The following NTNG1 variants were observed in gnomAD, a reference collection of about 807,000 sequenced individuals.
The protein encoded by NTNG1 is netrin G1.
In NTNG1, 16 loss-of-function variants were observed where a neutral mutation model predicts 54.0. The observed-to-expected ratio is 0.30, with a 90% CI of 0.20 to 0.45. The LOEUF (loss-of-function observed/expected upper bound fraction) is 0.45, where lower values mean the gene tolerates loss of function less well. Ranked by LOEUF, NTNG1 falls within the 20% of genes least tolerant of loss-of-function variation. The pLI is 1.00. For synonymous variants in NTNG1, 255 were observed against 263.1 expected (o/e 0.97, Z 0.30); for missense variants, 530 against 678.7 (o/e 0.78, Z 2.43).
chr1:107,308,777 A>T (rs1666835986), intron 2 of NTNG1, among the ~76,000 whole-genome samples: 1 of 152,136 alleles, frequency 6.6e-6, no homozygotes, highest in Non-Finnish European at 1.5e-5. Flanking sequence ...GAATCTTCCT[A>T]TTCATAAGTA....
chr1:107,189,460 T>G (rs1165935869), intron 2 of NTNG1, among the ~76,000 whole-genome samples: 7 of 149,506 alleles, frequency 4.7e-5, no homozygotes, highest in African/African-American at 1.7e-4. Context: ...CCAGTGGTCT[T>G]GAAAAAAAAA....
At chr1:107,240,594 G>A (rs889098904) in intron 2 of NTNG1, among the ~76,000 whole-genome samples, 5 of 152,190 alleles carry the variant, frequency 3.3e-5, no homozygotes, top group Non-Finnish European at 7.3e-5. Context: ...GCCAAAAAAT[G>A]TGCACATTCC....
At chr1:107,263,362 A>G (rs1663499572) in intron 2 of NTNG1, among the ~76,000 whole-genome samples, 1 of 149,354 alleles carries the variant, frequency 6.7e-6, no homozygotes, top group Non-Finnish European at 1.5e-5. Context: ...TTTCCTTTAC[A>G]AAGCCTTTAC....
intron 2 of NTNG1, among the ~76,000 whole-genome samples, chr1:107,199,164 C>T (rs971191669): frequency 1.1e-4 from 16 of 151,738 alleles, no homozygotes; most frequent in African/African-American, 3.6e-4. Flanking sequence ...CTTAATAATA[C>T]CATATATTCT....
At chr1:107,252,766 G>A (rs182839835) in intron 2 of NTNG1, among the ~76,000 whole-genome samples, 1 of 152,294 alleles carries the variant, frequency 6.6e-6, no homozygotes, top group African/African-American at 2.4e-5. Context: ...GGTGGAATAT[G>A]GTTTGGTTCC....
At chr1:107,154,786 T>C (rs1348841981) in intron 2 of NTNG1, among the ~76,000 whole-genome samples, 1 of 151,276 alleles carries the variant, frequency 6.6e-6, no homozygotes, top group Non-Finnish European at 1.5e-5. Context: ...TATATATATG[T>C]ATATATATTT....
intron 2 of NTNG1, among the ~76,000 whole-genome samples, chr1:107,262,996 C>T (rs1663456481): frequency 6.6e-6 from 1 of 152,152 alleles, no homozygotes; most frequent in South Asian, 2.1e-4. Context: ...AAATCATTAT[C>T]TAGCACAAAT....
intron 7 of NTNG1, among the ~76,000 whole-genome samples, chr1:107,452,520 G>A (rs972333005): frequency 1.3e-5 from 2 of 152,190 alleles, no homozygotes; most frequent in African/African-American, 4.8e-5. Context: ...GGGGCCTACA[G>A]GGAGGTGTTT....
At chr1:107,238,648 A>T (rs959321574) in intron 2 of NTNG1, among the ~76,000 whole-genome samples, 1 of 152,108 alleles carries the variant, frequency 6.6e-6, no homozygotes, top group African/African-American at 2.4e-5. Context: ...GTCTCATGAA[A>T]TCTGATGGCT....
chr1:107,155,448 C>G (rs1050700653), intron 2 of NTNG1, among the ~76,000 whole-genome samples: 1 of 152,126 alleles, frequency 6.6e-6, no homozygotes, highest in African/African-American at 2.4e-5. Context: ...ATCTCTCTAT[C>G]TAATATGTAT....
At chr1:107,461,592 G>A (rs1677284964) in intron 7 of NTNG1, among the ~76,000 whole-genome samples, 1 of 150,804 alleles carries the variant, frequency 6.6e-6, no homozygotes, top group African/African-American at 2.4e-5. Flanking sequence ...AGGCTGGAGT[G>A]GCACAGTCTC....
chr1:107,267,823 A>G (rs1371710208), intron 2 of NTNG1, among the ~76,000 whole-genome samples: 11 of 152,128 alleles, frequency 7.2e-5, no homozygotes, highest in Non-Finnish European at 7.4e-5. Context: ...TTTCCTGTTT[A>G]TTTCTCTCTG....
At chr1:107,178,972 A>C (rs1304462492) in intron 2 of NTNG1, among the ~76,000 whole-genome samples, 2 of 152,186 alleles carry the variant, frequency 1.3e-5, no homozygotes, top group Non-Finnish European at 2.9e-5. Flanking sequence ...TGGACATAGC[A>C]TATGTTATTT....
intron 2 of NTNG1, among the ~76,000 whole-genome samples, chr1:107,256,509 C>T (rs992575177): frequency 6.6e-6 from 1 of 152,168 alleles, no homozygotes; most frequent in Admixed American, 6.5e-5. Context: ...AAGGAGCAAG[C>T]AATTAACATA....
intron 7 of NTNG1, among the ~76,000 whole-genome samples, chr1:107,445,052 C>T (rs923864620): frequency 2.6e-5 from 4 of 152,126 alleles, no homozygotes; most frequent in African/African-American, 9.7e-5. Context: ...CTACTTGAAA[C>T]TTGCAGAATA....
intron 2 of NTNG1, among the ~76,000 whole-genome samples, chr1:107,230,419 A>G (rs1157758755): frequency 1.3e-5 from 2 of 152,152 alleles, no homozygotes; most frequent in African/African-American, 4.8e-5. Context: ...CCAGATAAGA[A>G]CAGATAAGAA....
At chr1:107,332,205 G>A (rs1668323801) in intron 3 of NTNG1, among the ~76,000 whole-genome samples, 1 of 151,978 alleles carries the variant, frequency 6.6e-6, no homozygotes, top group African/African-American at 2.4e-5. Flanking sequence ...AGGAGAGAAT[G>A]TATCTAATAA....
chr1:107,247,108 G>C (rs1196132816), intron 2 of NTNG1, among the ~76,000 whole-genome samples: 1 of 152,156 alleles, frequency 6.6e-6, no homozygotes, highest in African/African-American at 2.4e-5. Flanking sequence ...AGCCGAAAGG[G>C]TAATTCTCCA....
At position 107,318,077 on chromosome 1, in the gene NTNG1, C is replaced by T. The variant is rs79829872; in HGVS notation, c.247-6205C>T. On this transcript the variant is annotated intron_variant, in intron 2 of 7. Transcript: ENST00000370068. The stretch of plus-strand genomic sequence containing the variant: ...TTAGGATGTAGTAGTCCCACTTTAT[C>T]CACAGTTTTAATTCCCATAATTTCA... 5.8e-3 allele frequency among the ~76,000 whole-genome samples: 889 copies of T among 152,218 alleles called. 3 individuals are homozygous for T. Among genetic ancestry groups the T allele is most frequent in the South Asian group, 0.018 (86 of 4,824 alleles).
Sources: gnomAD v4.1 joint callset for allele counts (sites outside exome capture counted in the v4.1 genomes callset) on GRCh38, gnomAD v4.1.1 for gene constraint, MANE v1.5 for transcripts, NCBI Gene and HGNC (gene_info 2026-07-23, HGNC 2026-07-21) for gene names.